The following TAF5L variants were observed in gnomAD, a reference collection of about 807,000 sequenced individuals.
The protein encoded by TAF5L is TATA-box binding protein associated factor 5 like, also known as TAF5-like RNA polymerase II p300/CBP-associated factor-associated factor 65 kDa subunit 5L.
TAF5L carries 7 observed loss-of-function variants against 51.3 expected under a neutral mutation model. That is an observed-to-expected ratio of 0.14 (90% CI 0.08 to 0.26). The LOEUF (loss-of-function observed/expected upper bound fraction) is 0.26. TAF5L is among the 10% of genes least tolerant of loss of function. The probability of loss-of-function intolerance (pLI) is 1.00; values close to 1 mark genes in which losing one functional copy is unlikely to be tolerated. For missense variants in TAF5L, 575 were observed against 758.9 expected, an observed-to-expected ratio of 0.76 and a Z score of 2.85; for synonymous variants, 291 against 308.1, an observed-to-expected ratio of 0.94 and a Z score of 0.58.
At chr1:229,622,423 GA>G (rs1176026599) in intron 1 of TAF5L, among the ~76,000 whole-genome samples, 1 of 152,058 alleles carries the variant, frequency 6.6e-6, no homozygotes, top group Admixed American at 6.5e-5. Flanking sequence ...ATACATACTT[GA>G]AGATAATTTT....
At chr1:229,598,550 A>C (rs1384341266) in intron 4 of TAF5L, among the ~76,000 whole-genome samples, 1 of 152,172 alleles carries the variant, frequency 6.6e-6, no homozygotes, top group African/African-American at 2.4e-5. Flanking sequence ...GGGTGCTGGT[A>C]GTGATAAGGG....
chr1:229,606,915 G>A, intron 3 of TAF5L: 3 of 985,398 alleles, frequency 3.0e-6, no homozygotes, highest in Non-Finnish European at 3.6e-6. Context: ...TATAGACATA[G>A]ATACTCTTAT....
Position 229,594,821 on chromosome 1 carries a change from T to C in TAF5L, c.1246A>G (p.Thr416Ala), listed in dbSNP as rs1558142383. ...CCTGCATATATCCTCAGCGGGTACGTCCGATCAAATGACCACAGCCTGGCG... is the reference window on the plus strand; with the variant it reads ...CCTGCATATATCCTCAGCGGGTACGCCCGATCAAATGACCACAGCCTGGCG... The change falls in exon 5 of 5, where the codon ACG becomes GCG. Residue 416 changes from threonine (T) to alanine (A), a missense_variant. Physicochemically the swap from Thr to Ala is moderately conservative, Grantham distance 58. Around this residue, in one of 3 missense-constraint regions of TAF5L, gnomAD observed 104 missense variants for 218.3 expected, o/e 0.48. Coordinates refer to ENST00000258281, the Ensembl canonical transcript of TAF5L. The surrounding 1 kb of genome is among the most constrained non-coding windows in gnomAD (Gnocchi z 7.9). The C allele has an allele frequency of 6.2e-7, 1 of 1,614,142 alleles. No homozygotes were observed. Among genetic ancestry groups the C allele is most frequent in the Non-Finnish European group, 8.5e-7 (1 of 1,180,042 alleles).
At chr1:229,610,705 TTAA>T (rs1354802918) in intron 2 of TAF5L, among the ~76,000 whole-genome samples, 83 of 151,466 alleles carry the variant, frequency 5.5e-4, no homozygotes, top group African/African-American at 2.0e-3. Context: ...AACCAATCCT[TTAA>T]TTTTTTTCTC....
rs973913091 is a variant in TAF5L at position 229,625,608 on chromosome 1, G to A, written c.-4+277C>T. On this transcript the variant is annotated intron_variant, in intron 1 of 4. Transcript: ENST00000258281. The surrounding 1 kb of genome is among the most constrained non-coding windows in gnomAD (Gnocchi z 4.0). The stretch of plus-strand genomic sequence containing the variant: ...ACCCGCAGGACCCACCCCTGCGCAG[G>A]AACGCGACGCCAGTCCAGGTGTAGC... 1.3e-5 allele frequency among the ~76,000 whole-genome samples: 2 copies of A among 151,670 alleles called. No individual in the cohort carries two copies. Among genetic ancestry groups the A allele is most frequent in the Non-Finnish European group, 2.9e-5 (2 of 67,862 alleles).
At chr1:229,600,509 T>C in intron 4 of TAF5L, 1 of 985,414 alleles carries the variant, frequency 1.0e-6, no homozygotes, top group Non-Finnish European at 1.2e-6. Context: ...CTCTCCCTTA[T>C]CCCCTACAGT....
chr1:229,614,613 G>T, intron 1 of TAF5L, 128 bp from the exon 2 acceptor site: 9 of 1,185,982 alleles, frequency 7.6e-6, no homozygotes, highest in Admixed American at 4.9e-5. Flanking sequence ...AAGTGGCCTA[G>T]TTAAGACGCA....
At chr1:229,618,498 T>C (rs1665086396) in intron 1 of TAF5L, among the ~76,000 whole-genome samples, 2 of 152,226 alleles carry the variant, frequency 1.3e-5, no homozygotes, top group South Asian at 4.1e-4. Flanking sequence ...CTGGAGGATT[T>C]TGACACAATG....
Position 229,602,166 on chromosome 1 carries a change from T to G in TAF5L, c.972+29A>C. On this transcript the variant is annotated intron_variant, in intron 4 of 4. Transcript: ENST00000258281. The surrounding 1 kb of genome is among the most constrained non-coding windows in gnomAD (Gnocchi z 4.6). The stretch of plus-strand genomic sequence containing the variant: ...ATTCTAAGGAAATTAGGAAGGCGGG[T>G]GCAGGGAAGAAAAAAATGGTATTCA... 6.3e-7 allele frequency: 1 copy of G among 1,597,002 alleles called. No homozygotes were observed.
intron 3 of TAF5L, among the ~76,000 whole-genome samples, chr1:229,608,229 C>G (rs1443720419): frequency 3.9e-5 from 6 of 151,936 alleles, no homozygotes; most frequent in African/African-American, 7.3e-5. Flanking sequence ...AGAAAATGGT[C>G]AAAATATTAC....
At chr1:229,611,263 G>C (rs766068370) in intron 2 of TAF5L, among the ~76,000 whole-genome samples, 82 of 152,124 alleles carry the variant, frequency 5.4e-4, no homozygotes, top group Non-Finnish European at 9.6e-4. Flanking sequence ...TCTCCAATCT[G>C]TGAGTTTATG....
intron 1 of TAF5L, among the ~76,000 whole-genome samples, chr1:229,622,485 A>C (rs1665248033): frequency 1.3e-5 from 2 of 152,244 alleles, no homozygotes; most frequent in Admixed American, 6.5e-5. Context: ...GTGCTGTCTA[A>C]GCTTTGAGAT....
intron 1 of TAF5L, among the ~76,000 whole-genome samples, chr1:229,616,654 T>G (rs1000651653): frequency 1.4e-4 from 21 of 152,206 alleles, no homozygotes; most frequent in African/African-American, 4.8e-4. Flanking sequence ...TGCAAGTAAT[T>G]ATTTCCTTCT....
chr1:229,614,186 G>T, intron 2 of TAF5L, 155 bp downstream of exon 2: 1 of 1,221,660 alleles, frequency 8.2e-7, no homozygotes, highest in Non-Finnish European at 1.2e-6. Context: ...GGGTCTCTGA[G>T]GCCAACATCA....
chr1:229,600,193 C>A, intron 4 of TAF5L: 1 of 985,388 alleles, frequency 1.0e-6, no homozygotes, highest in Non-Finnish European at 1.2e-6. Context: ...GCTTTCTCCC[C>A]AAATGCTTGT....
At chr1:229,624,066 A>G (rs1319664603) in intron 1 of TAF5L, among the ~76,000 whole-genome samples, 1 of 152,198 alleles carries the variant, frequency 6.6e-6, no homozygotes, top group Non-Finnish European at 1.5e-5. Context: ...GATGACCCCT[A>G]GAGCTCCCTT....
intron 3 of TAF5L, among the ~76,000 whole-genome samples, chr1:229,604,055 T>A (rs1435489100): frequency 2.6e-5 from 4 of 152,206 alleles, no homozygotes; most frequent in African/African-American, 9.6e-5. Flanking sequence ...CTGTAATGAG[T>A]CTGGGTTTCA....
chr1:229,622,010 TTCA>T (rs1045523664), intron 1 of TAF5L, among the ~76,000 whole-genome samples: 54 of 149,418 alleles, frequency 3.6e-4, no homozygotes, highest in East Asian at 2.6e-3. Context: ...CTTCTTTTCA[TTCA>T]TCATCATCTA....
At chr1:229,614,292 G>C (rs191798945) in intron 2 of TAF5L, 49 bp downstream of exon 2, 2 of 1,614,172 alleles carry the variant, frequency 1.2e-6, no homozygotes, top group East Asian at 4.5e-5. Context: ...ATATTGACGT[G>C]AGTTCTCCTG....
Sources: gnomAD v4.1 joint callset for allele counts (sites outside exome capture counted in the v4.1 genomes callset) on GRCh38, gnomAD v4.1.1 for gene constraint, gnomAD v4.1.1 regional missense constraint, Gnocchi (gnomAD v3.1) non-coding constraint, MANE v1.5 for transcripts, NCBI Gene and HGNC (gene_info 2026-07-23, HGNC 2026-07-21) for gene names.